The following TTC23L variants were observed in gnomAD, a reference collection of about 807,000 sequenced individuals.
TTC23L encodes the protein tetratricopeptide repeat protein 23-like.
A neutral mutation model predicts 48.1 loss-of-function variants in TTC23L; 42 were observed. The ratio of observed to expected loss-of-function variants is 0.87; its 90% CI spans 0.68 to 1.13. TTC23L has a LOEUF of 1.13. Among genes scored for constraint, TTC23L ranks in the 50% most tolerant of loss-of-function variants. The pLI is 0.00. For missense variants in TTC23L, 391 were observed against 421.0 expected, an observed-to-expected ratio of 0.93 and a Z score of 0.62; for synonymous variants, 159 against 157.2, an observed-to-expected ratio of 1.01 and a Z score of -0.09.
At chr5:34,921,874 T>G in the TTC23L span, 1 of 143,020 alleles carries the variant, frequency 7.0e-6, no homozygotes, top group Non-Finnish European at 1.4e-5. Context: ...GCCATTGCAC[T>G]CCAGCCTGGG....
chr5:34,906,731 T>A, the TTC23L span: 1 of 152,216 alleles, frequency 6.6e-6, no homozygotes, highest in Admixed American at 6.5e-5. Flanking sequence ...AAAGAAAATC[T>A]GAAATTGGAG....
chr5:34,906,286 A>G, the TTC23L span: 2 of 152,184 alleles, frequency 1.3e-5, no homozygotes, highest in African/African-American at 4.8e-5. Flanking sequence ...GTACAAAAAT[A>G]TCCATCCTTA....
chr5:34,846,858 TAAAC>T (rs1192584398), intron 3 of TTC23L, among the ~76,000 whole-genome samples: 9 of 151,824 alleles, frequency 5.9e-5, no homozygotes, highest in African/African-American at 2.2e-4. Context: ...AGTGGAATCA[TAAAC>T]AAACCAAAGG....
At chr5:34,914,241 G>GTTCTT in the TTC23L span, among the ~76,000 whole-genome samples, 1 of 152,300 alleles carries the variant, frequency 6.6e-6, no homozygotes, top group South Asian at 2.1e-4. Context: ...ATATATTCTG[G>GTTCTT]AAACAAATAT....
intron 8 of TTC23L, among the ~76,000 whole-genome samples, chr5:34,874,027 G>A (rs1295179933): frequency 6.6e-6 from 1 of 152,150 alleles, no homozygotes; most frequent in East Asian, 1.9e-4. Flanking sequence ...GAGTTTGGAA[G>A]TCATCACTTT....
chr5:34,856,725 A>G (rs1256659536), intron 4 of TTC23L, among the ~76,000 whole-genome samples: 1 of 152,246 alleles, frequency 6.6e-6, no homozygotes, highest in Non-Finnish European at 1.5e-5. Context: ...CAATTACAGA[A>G]GGTTTATAAA....
the TTC23L span, among the ~76,000 whole-genome samples, chr5:34,917,716 G>C: frequency 6.6e-6 from 1 of 152,134 alleles, no homozygotes; most frequent in Non-Finnish European, 1.5e-5. Flanking sequence ...TGTCTGGGAA[G>C]GTTAGCCATT....
chr5:34,881,209 T>A (rs1352007922), intron 9 of TTC23L, among the ~76,000 whole-genome samples: 1 of 152,266 alleles, frequency 6.6e-6, no homozygotes, highest in Non-Finnish European at 1.5e-5. Context: ...AAGTCAAAAT[T>A]GGCTTCCATC....
chr5:34,888,608 C>A (rs1445138891), intron 9 of TTC23L: 3 of 779,504 alleles, frequency 3.8e-6, no homozygotes, highest in East Asian at 1.3e-4. Flanking sequence ...TCTCCCAGTT[C>A]AACCAGGTAG....
exon 3 of TTC23L, chr5:34,845,635 T>A: frequency 6.2e-7 from 1 of 1,613,060 alleles, no homozygotes; most frequent in Non-Finnish European, 8.5e-7. Flanking sequence ...ATTAGCCCAA[T>A]CCCAGAAGAA....
chr5:34,888,240 A>G (rs996848479), intron 9 of TTC23L, among the ~76,000 whole-genome samples: 2 of 152,220 alleles, frequency 1.3e-5, no homozygotes, highest in African/African-American at 4.8e-5. Context: ...TCCATTTGTA[A>G]TAGGGATTCA....
intron 4 of TTC23L, among the ~76,000 whole-genome samples, chr5:34,857,941 T>C (rs896632602): frequency 1.3e-5 from 2 of 151,994 alleles, no homozygotes; most frequent in African/African-American, 4.8e-5. Context: ...GTGACTGCTT[T>C]CTGGTGACAA....
chr5:34,880,328 A>C lies in TTC23L; in HGVS notation c.1077+20A>C, dbSNP rs758213381. On this transcript the variant is annotated intron_variant, in intron 9 of 10. Transcript: ENST00000505624. ...AAACAGGTAAATATGATCAATGCAT[A>C]AACAGAATTGCTAGTTTGTTTATTA... 46 of 1,593,394 alleles carry C rather than the reference A, an allele frequency of 2.9e-5. No homozygotes were observed. The highest frequency in any genetic ancestry group is 1.1e-4 in the Admixed American group (6 of 55,056).
downstream of TTC23L, among the ~76,000 whole-genome samples, chr5:34,903,936 T>G (rs554593332): frequency 6.6e-6 from 1 of 152,262 alleles, no homozygotes; most frequent in African/African-American, 2.4e-5. Context: ...TCAAGCTGTC[T>G]CACATACAGA....
chr5:34,845,271 G>A (rs569815636), intron 2 of TTC23L, among the ~76,000 whole-genome samples: 1 of 152,338 alleles, frequency 6.6e-6, no homozygotes, highest in South Asian at 2.1e-4. Context: ...CAGCAGAGCT[G>A]TACCTCTATA....
At chr5:34,912,927 G>C in the TTC23L span, among the ~76,000 whole-genome samples, 2 of 152,166 alleles carry the variant, frequency 1.3e-5, no homozygotes. Context: ...CTTGAACCCG[G>C]GAGGCAGAGG....
the TTC23L span, chr5:34,921,906 G>A: frequency 0.25 from 31,169 of 122,334 alleles, 3,762 homozygotes; most frequent in East Asian, 0.4. Flanking sequence ...AAACTGCATC[G>A]CAAAAAAAAA....
chr5:34,911,873 C>G, the TTC23L span: 4 of 1,535,394 alleles, frequency 2.6e-6, no homozygotes, highest in Non-Finnish European at 3.5e-6. Context: ...AGCTTCTCCT[C>G]GAAATGATAC....
the TTC23L span, chr5:34,906,973 T>G: frequency 6.6e-6 from 1 of 152,220 alleles, no homozygotes; most frequent in Non-Finnish European, 1.5e-5. Context: ...GTTTCCTTCT[T>G]GAATACAAAC....
Sources: allele counts gnomAD v4.1 joint callset (sites outside exome capture counted in the v4.1 genomes callset), GRCh38; gene constraint gnomAD v4.1.1; transcripts MANE v1.5; gene names NCBI Gene and HGNC (gene_info 2026-07-23, HGNC 2026-07-21).